The following FBXL7 variants were observed in gnomAD, a reference collection of about 807,000 sequenced individuals.
FBXL7 encodes F-box and leucine rich repeat protein 7, also known as F-box/LRR-repeat protein 7.
A neutral mutation model predicts 38.3 loss-of-function variants in FBXL7; 12 were observed. That is an observed-to-expected ratio of 0.31 (90% CI 0.20 to 0.51). FBXL7 has a LOEUF of 0.51. Ranked by LOEUF, FBXL7 falls within the 20% of genes least tolerant of loss-of-function variation. The pLI, the probability that FBXL7 is intolerant of heterozygous loss-of-function variation, is 0.98. For missense variants in FBXL7, 567 were observed against 676.4 expected (o/e 0.84, Z 1.79); for synonymous variants, 297 against 300.9 (o/e 0.99, Z 0.13).
At chr5:15,589,922 T>C (rs573918325) in intron 1 of FBXL7, among the ~76,000 whole-genome samples, 1 of 152,338 alleles carries the variant, frequency 6.6e-6, no homozygotes, top group South Asian at 2.1e-4. Context: ...CTGCAGCTCA[T>C]GAATGTTGCT....
intron 2 of FBXL7, among the ~76,000 whole-genome samples, chr5:15,754,620 T>C (rs1021121897): frequency 2.6e-5 from 4 of 152,226 alleles, no homozygotes; most frequent in African/African-American, 9.6e-5. Context: ...TAATGTAGCT[T>C]TTTATACCAA....
chr5:15,864,229 TCAAA>T (rs927688773), intron 2 of FBXL7, among the ~76,000 whole-genome samples: 2 of 151,520 alleles, frequency 1.3e-5, no homozygotes, highest in East Asian at 2.0e-4. Flanking sequence ...GAATTGTAAA[TCAAA>T]CAAACTTTTT....
At chr5:15,674,158 C>CTAGATTAAGAACTAGTGATAA (rs1166911474) in intron 2 of FBXL7, among the ~76,000 whole-genome samples, 9 of 152,168 alleles carry the variant, frequency 5.9e-5, no homozygotes, top group African/African-American at 1.9e-4. Flanking sequence ...GTCTCAGAGA[C>CTAGATTAAGAACTAGTGATAA]TAGATTAAGA....
intron 1 of FBXL7, 27 bp downstream of exon 1, chr5:15,500,740 C>T (rs1482417953): frequency 1.9e-6 from 3 of 1,602,280 alleles, no homozygotes; most frequent in Non-Finnish European, 2.6e-6. Context: ...TCCTCAGACT[C>T]CCGGATCGCG....
chr5:15,781,938 G>A (rs771517769), intron 2 of FBXL7, among the ~76,000 whole-genome samples: 14 of 152,040 alleles, frequency 9.2e-5, no homozygotes, highest in East Asian at 1.9e-4. Context: ...CTATCAACCC[G>A]TCATCTACAT....
At chr5:15,696,564 C>A (rs1455758556) in intron 2 of FBXL7, among the ~76,000 whole-genome samples, 1 of 152,120 alleles carries the variant, frequency 6.6e-6, no homozygotes, top group African/African-American at 2.4e-5. Flanking sequence ...ATAATCATCC[C>A]ACCCAACCTT....
intron 1 of FBXL7, among the ~76,000 whole-genome samples, chr5:15,607,680 G>C (rs1489955063): frequency 3.3e-5 from 5 of 152,180 alleles, no homozygotes; most frequent in Admixed American, 6.5e-5. Context: ...GAAAAAACCA[G>C]GACATTCTTC....
At chr5:15,620,022 G>T (rs1157209325) in intron 2 of FBXL7, among the ~76,000 whole-genome samples, 1 of 152,162 alleles carries the variant, frequency 6.6e-6, no homozygotes, top group Admixed American at 6.6e-5. Context: ...AGCTGCAGGT[G>T]GGAATGGGAA....
At chr5:15,592,668 GGGA>G (rs1296759857) in intron 1 of FBXL7, among the ~76,000 whole-genome samples, 2 of 152,150 alleles carry the variant, frequency 1.3e-5, no homozygotes, top group African/African-American at 4.8e-5. Context: ...GCTTATCAGA[GGGA>G]GGAGAAGATT....
At chr5:15,696,563 C>G (rs1017965702) in intron 2 of FBXL7, among the ~76,000 whole-genome samples, 4 of 152,104 alleles carry the variant, frequency 2.6e-5, no homozygotes, top group Non-Finnish European at 5.9e-5. Context: ...TATAATCATC[C>G]CACCCAACCT....
chr5:15,747,702 C>T (rs568016668), intron 2 of FBXL7, among the ~76,000 whole-genome samples: 4 of 152,154 alleles, frequency 2.6e-5, no homozygotes, highest in Non-Finnish European at 5.9e-5. Context: ...ACATACGGAC[C>T]CAACATAAGA....
At chr5:15,582,341 A>C (rs1204361134) in intron 1 of FBXL7, among the ~76,000 whole-genome samples, 1 of 152,246 alleles carries the variant, frequency 6.6e-6, no homozygotes, top group Non-Finnish European at 1.5e-5. Flanking sequence ...AATCGGCTTA[A>C]TATTAGGATA....
chr5:15,735,407 A>G (rs1040274949), intron 2 of FBXL7, among the ~76,000 whole-genome samples: 2 of 152,188 alleles, frequency 1.3e-5, no homozygotes, highest in Admixed American at 1.3e-4. Context: ...TGTCACTGGG[A>G]CTTCCAGCCA....
chr5:15,600,361 AAGTG>A (rs1739754636), intron 1 of FBXL7, among the ~76,000 whole-genome samples: 1 of 152,114 alleles, frequency 6.6e-6, no homozygotes, highest in African/African-American at 2.4e-5. Flanking sequence ...TTGGGGAAGA[AAGTG>A]AGGGAGGGGT....
rs148324059 is a variant in FBXL7, at chr5:15,540,426, C to T, written c.37+39713C>T. ...CAACCCAATTTCATATCTCAAGGTG[C>T]GAACTCCTACCTGCCTCTCTAACTT... On this transcript the variant is annotated intron_variant, in intron 1 of 3. Coordinates refer to ENST00000504595, the MANE Select transcript of FBXL7 (RefSeq NM_012304.5). 1.9e-4 allele frequency among the ~76,000 whole-genome samples: 29 copies of T among 152,250 alleles called. 1 individual carries two copies. The East Asian group carries it at 3.7e-3, about 19-fold the overall frequency.
At chr5:15,643,305 C>T (rs746654055) in intron 2 of FBXL7, among the ~76,000 whole-genome samples, 2 of 152,132 alleles carry the variant, frequency 1.3e-5, no homozygotes, top group African/African-American at 2.4e-5. Flanking sequence ...GCTAGACGTG[C>T]GCATGCATTC....
intron 1 of FBXL7, among the ~76,000 whole-genome samples, chr5:15,524,934 C>T (rs1561014856): frequency 6.6e-6 from 1 of 152,234 alleles, no homozygotes; most frequent in Non-Finnish European, 1.5e-5. Flanking sequence ...GATGGCTGCA[C>T]CTGTTCCCAT....
intron 2 of FBXL7, among the ~76,000 whole-genome samples, chr5:15,906,607 C>A (rs1741374587): frequency 7.3e-6 from 1 of 137,636 alleles, no homozygotes; most frequent in Admixed American, 7.4e-5. Context: ...TGCTGGTGCG[C>A]TGCACCCACT....
intron 2 of FBXL7, among the ~76,000 whole-genome samples, chr5:15,699,084 A>T (rs1159173560): frequency 6.6e-6 from 1 of 152,184 alleles, no homozygotes; most frequent in African/African-American, 2.4e-5. Flanking sequence ...TCACACAACA[A>T]GAAGGTAACT....
Sources: gnomAD v4.1 joint callset for allele counts (sites outside exome capture counted in the v4.1 genomes callset) on GRCh38, gnomAD v4.1.1 for gene constraint, MANE v1.5 for transcripts, NCBI Gene and HGNC (gene_info 2026-07-23, HGNC 2026-07-21) for gene names.